RSF1: variants seen among roughly 807,000 people sequenced by gnomAD.
The protein encoded by RSF1 is HBV pX-associated protein 8.
RSF1 carries 13 observed loss-of-function variants against 145.2 expected under a neutral mutation model. The ratio of observed to expected loss-of-function variants is 0.09; its 90% confidence interval spans 0.06 to 0.14. RSF1 has a LOEUF of 0.14. Among genes scored for constraint, RSF1 ranks in the 10% least tolerant of loss-of-function variants. RSF1 has a pLI of 1.00. For synonymous variants in RSF1, 577 were observed against 592.6 expected (o/e 0.97, Z 0.38); for missense variants, 1,517 against 1,718.2 (o/e 0.88, Z 2.07).
intron 9 of RSF1, among the ~76,000 whole-genome samples, chr11:77,688,765 A>T (rs1449928465): frequency 1.3e-5 from 2 of 152,212 alleles, no homozygotes; most frequent in Non-Finnish European, 2.9e-5. Context: ...GTGTTCAAAC[A>T]AAAGAAAGAA....
At position 77,701,927 on chromosome 11, in the gene RSF1, C is replaced by G. The variant is rs1246251195; in HGVS notation, c.1302G>C (p.Leu434Phe). 7 of 1,613,562 alleles carry G rather than the reference C, an allele frequency of 4.3e-6. No homozygotes were observed. The highest frequency in any genetic ancestry group is 5.9e-6 in the Non-Finnish European group (7 of 1,179,888). The change falls in exon 6 of 16, where the codon TTG becomes TTC. Residue 434 changes from leucine (L) to phenylalanine (F), a missense_variant. Around this residue, in one of 12 missense-constraint regions of RSF1, gnomAD observed 579 missense variants for 553.5 expected, o/e 1.05. Transcript: ENST00000308488. Reference sequence around the variant, plus strand: ...TTACCAGCTGTTTCCCTTCATGACCCAAAGCAGTGATTGTAGAGATCCTTT... The same window carrying G: ...TTACCAGCTGTTTCCCTTCATGACCGAAAGCAGTGATTGTAGAGATCCTTT... ...TCKRISTITA[L>F]GHEGKQLVNG...
chr11:77,774,821 C>T (rs1308782638), intron 1 of RSF1, among the ~76,000 whole-genome samples: 1 of 150,120 alleles, frequency 6.7e-6, no homozygotes, highest in Non-Finnish European at 1.5e-5. Flanking sequence ...GGCTGGTGTG[C>T]AATGGCATGA....
intron 4 of RSF1, among the ~76,000 whole-genome samples, chr11:77,731,962 G>C (rs774956398): frequency 1.3e-5 from 2 of 152,238 alleles, no homozygotes; most frequent in African/African-American, 2.4e-5. Flanking sequence ...GCACCACCTA[G>C]TGGAGCTGTG....
intron 15 of RSF1, among the ~76,000 whole-genome samples, chr11:77,670,004 C>T (rs1338323398): frequency 6.6e-6 from 1 of 152,134 alleles, no homozygotes; most frequent in African/African-American, 2.4e-5. Flanking sequence ...TGGCTTATGC[C>T]ACTTCTAGCC....
chr11:77,717,063 A>G (rs1960828718), intron 5 of RSF1, among the ~76,000 whole-genome samples: 1 of 151,430 alleles, frequency 6.6e-6, no homozygotes, highest in Non-Finnish European at 1.5e-5. Flanking sequence ...CTGTAGGCCC[A>G]GCTACTTGGG....
At chr11:77,868,766 TG>T in the RSF1 span, 1 of 234,712 alleles carries the variant, frequency 4.3e-6, no homozygotes, top group Non-Finnish European at 9.4e-6. Flanking sequence ...TCCTTCCCAC[TG>T]GTTCTTACAC....
intron 1 of RSF1, among the ~76,000 whole-genome samples, chr11:77,804,082 A>G (rs1948653537): frequency 6.6e-6 from 1 of 152,148 alleles, no homozygotes; most frequent in South Asian, 2.1e-4. Context: ...AAGAGAAACA[A>G]AAAACTGTCA....
chr11:77,750,470 C>T (rs1477249013), intron 2 of RSF1, among the ~76,000 whole-genome samples: 1 of 152,148 alleles, frequency 6.6e-6, no homozygotes, highest in Admixed American at 6.5e-5. Flanking sequence ...AAATATTATT[C>T]TTCTTTTGAG....
chr11:77,707,803 T>C (rs956089461), intron 5 of RSF1, among the ~76,000 whole-genome samples: 3 of 152,176 alleles, frequency 2.0e-5, no homozygotes, highest in Non-Finnish European at 4.4e-5. Flanking sequence ...TTAAAGAATT[T>C]TTCAAAGACA....
rs1959265591 is a variant in RSF1, at chr11:77,662,951, TATTTC to T, written c.*3961_*3965del. The stretch of plus-strand genomic sequence containing the variant: ...TGTATCTGTTGCAATGCAGCCATCT[TATTTC>T]TTTCAAGTTAATGATGGATTCATTT... On this transcript the variant is annotated 3_prime_UTR_variant, in exon 16 of 16. Transcript: ENST00000308488. 6.6e-6 allele frequency: 1 copy of T among 152,152 alleles called. No homozygotes were observed. Among genetic ancestry groups the T allele is most frequent in the African/African-American group, 2.4e-5 (1 of 41,402 alleles). The allele number at this position is 152,152 out of a possible 1,614,324, so 9.4% of individuals were successfully genotyped here.
At chr11:77,766,938 T>C (rs182699848) in intron 1 of RSF1, among the ~76,000 whole-genome samples, 39 of 152,300 alleles carry the variant, frequency 2.6e-4, no homozygotes, top group South Asian at 1.0e-3. Context: ...GTAGAGGTGG[T>C]ACAGAGAGAA....
intron 1 of RSF1, among the ~76,000 whole-genome samples, chr11:77,801,620 T>G (rs1277268184): frequency 6.6e-6 from 1 of 151,884 alleles, no homozygotes; most frequent in Non-Finnish European, 1.5e-5. Context: ...GTAACATGCG[T>G]GTCTACACAG....
At chr11:77,851,167 C>CTGG in the RSF1 span, among the ~76,000 whole-genome samples, 1 of 152,040 alleles carries the variant, frequency 6.6e-6, no homozygotes, top group Non-Finnish European at 1.5e-5. Context: ...CTTGGCCAGG[C>CTGG]TGGTCTTGAA....
intron 2 of RSF1, among the ~76,000 whole-genome samples, chr11:77,755,811 C>T (rs1224930245): frequency 6.6e-6 from 1 of 152,090 alleles, no homozygotes; most frequent in Non-Finnish European, 1.5e-5. Context: ...AACTCCTGAC[C>T]TCGTGATCCG....
intron 1 of RSF1, among the ~76,000 whole-genome samples, chr11:77,788,142 C>CAAAAA (rs66595170): frequency 0.01 from 35 of 3,430 alleles, 7 homozygotes; most frequent in South Asian, 0.042. Flanking sequence ...GACACTATCT[C>CAAAAA]AAAAAAAAAA....
chr11:77,871,740 A>T, the RSF1 span, among the ~76,000 whole-genome samples: 1 of 152,240 alleles, frequency 6.6e-6, no homozygotes, highest in Non-Finnish European at 1.5e-5. Context: ...GACTAACTCA[A>T]ACATTTAACA....
At chr11:77,850,898 T>C in the RSF1 span, 1 of 151,718 alleles carries the variant, frequency 6.6e-6, no homozygotes, top group Non-Finnish European at 1.5e-5. Flanking sequence ...TATTCTCCTC[T>C]ATAACTACAA....
Position 77,740,952 on chromosome 11 carries a change from A to G in RSF1, c.373-16T>C. The G allele has an allele frequency of 1.9e-6, 3 of 1,554,434 alleles. No homozygotes were observed. Among genetic ancestry groups the G allele is most frequent in the Non-Finnish European group, 2.7e-6 (3 of 1,127,490 alleles). Reference sequence around the variant, plus strand: ...CACAGAGGTACTGAAAAATAGTCATAACATGACTTAAAATACCTCACAAAT... The same window carrying G: ...CACAGAGGTACTGAAAAATAGTCATGACATGACTTAAAATACCTCACAAAT... On this transcript the variant is annotated splice_polypyrimidine_tract_variant and intron_variant, in intron 3 of 15. Coordinates refer to ENST00000308488, the MANE Select transcript of RSF1 (RefSeq NM_016578.4).
At chr11:77,726,460 C>T (rs138050214) in intron 4 of RSF1, among the ~76,000 whole-genome samples, 8 of 152,152 alleles carry the variant, frequency 5.3e-5, no homozygotes, top group South Asian at 2.1e-4. Flanking sequence ...ATCCCTGTAT[C>T]TGGCAAATAA....
Sources: allele counts gnomAD v4.1 joint callset (sites outside exome capture counted in the v4.1 genomes callset), GRCh38; gene constraint gnomAD v4.1.1; regional missense constraint gnomAD v4.1.1; transcripts MANE v1.5; gene names NCBI Gene and HGNC (gene_info 2026-07-23, HGNC 2026-07-21).